Variants in CFAP74 observed in about 807,000 individuals in gnomAD.
The protein encoded by CFAP74 is cilia and flagella associated protein 74.
In CFAP74, 124 loss-of-function variants were observed where a neutral mutation model predicts 188.9. That is an observed-to-expected ratio of 0.66 (90% CI 0.57 to 0.76). The LOEUF (loss-of-function observed/expected upper bound fraction) is 0.76, where lower values mean the gene tolerates loss of function less well. Among genes scored for constraint, CFAP74 ranks in the 30% least tolerant of loss-of-function variants. CFAP74 has a pLI of 0.00. For missense variants in CFAP74, 2,198 were observed against 2,165.2 expected (o/e 1.02, Z -0.30); for synonymous variants, 956 against 916.7 (o/e 1.04, Z -0.77).
At chr1:1,969,600 A>G (rs1273019670) in intron 10 of CFAP74, among the ~76,000 whole-genome samples, 1 of 152,152 alleles carries the variant, frequency 6.6e-6, no homozygotes, top group East Asian at 1.9e-4. Flanking sequence ...ACCAGGGCTA[A>G]AGATGTTCAT....
At chr1:1,960,829 T>C (rs1655035588) in intron 14 of CFAP74, among the ~76,000 whole-genome samples, 1 of 152,114 alleles carries the variant, frequency 6.6e-6, no homozygotes, top group South Asian at 2.1e-4. Flanking sequence ...AGGGTGGACG[T>C]GCGTGCCTCA....
chr1:1,972,672 C>A (rs1219259404), intron 8 of CFAP74, among the ~76,000 whole-genome samples: 3 of 152,112 alleles, frequency 2.0e-5, no homozygotes, highest in Non-Finnish European at 4.4e-5. Context: ...ATGGTGAAAC[C>A]CCATCTCTAC....
intron 25 of CFAP74, 31 bp downstream of exon 25, chr1:1,938,824 C>A (rs1653141998): frequency 1.3e-6 from 2 of 1,533,680 alleles, no homozygotes; most frequent in Admixed American, 2.0e-5. Flanking sequence ...CACTCCAGGC[C>A]CCCTGCGTCC....
intron 6 of CFAP74, among the ~76,000 whole-genome samples, chr1:1,983,173 T>A (rs2102098098): frequency 6.6e-6 from 1 of 151,958 alleles, no homozygotes; most frequent in Admixed American, 6.5e-5. Context: ...GAAAGCCAAC[T>A]AATAGGAAGG....
At chr1:1,963,593 A>G (rs1190420207) in intron 14 of CFAP74, among the ~76,000 whole-genome samples, 156 bp downstream of exon 14, 1 of 152,172 alleles carries the variant, frequency 6.6e-6, no homozygotes, top group African/African-American at 2.4e-5. Flanking sequence ...TGACACAAGA[A>G]GACAGAGGAG....
chr1:1,938,409 C>A (rs1653093399), intron 25 of CFAP74, among the ~76,000 whole-genome samples: 1 of 151,938 alleles, frequency 6.6e-6, no homozygotes, highest in South Asian at 2.1e-4. Context: ...CACCCCCATA[C>A]ACTCACATAC....
chr1:1,936,340 T>C (rs1265181824), intron 25 of CFAP74, among the ~76,000 whole-genome samples: 1 of 146,024 alleles, frequency 6.8e-6, no homozygotes, highest in African/African-American at 2.6e-5. Flanking sequence ...GGTCAAGAGA[T>C]CGAGACCATC....
At chr1:1,941,688 G>A (rs886122427) in intron 22 of CFAP74, among the ~76,000 whole-genome samples, 3 of 152,290 alleles carry the variant, frequency 2.0e-5, no homozygotes, top group South Asian at 4.1e-4. Flanking sequence ...ACCTTATCCC[G>A]GCAGGTAGCA....
At chr1:1,974,507 C>A (rs1656313490) in intron 6 of CFAP74, among the ~76,000 whole-genome samples, 1 of 152,212 alleles carries the variant, frequency 6.6e-6, no homozygotes, top group Non-Finnish European at 1.5e-5. Context: ...CAGGCCCTGC[C>A]CAGCCTGAGG....
In CFAP74 at chr1:1,922,391, G is replaced by A; in HGVS notation, c.4819-3C>T. Reference sequence around the variant, plus strand: ...GACACCATGAGTGGGTGGTCTGGCTGGAACAGGAGGGGAGGGGAGAAGAGG... The same window carrying A: ...GACACCATGAGTGGGTGGTCTGGCTAGAACAGGAGGGGAGGGGAGAAGAGG... On this transcript the variant is annotated splice_region_variant and splice_polypyrimidine_tract_variant and intron_variant, in intron 38 of 38. Transcript: ENST00000682832. 6 of 1,602,636 alleles carry A rather than the reference G, an allele frequency of 3.7e-6. No individual in the cohort carries two copies. The highest frequency in any genetic ancestry group is 2.7e-5 in the African/African-American group (2 of 74,276).
At chr1:1,982,290 C>T (rs1286883758) in intron 6 of CFAP74, among the ~76,000 whole-genome samples, 66 of 130,248 alleles carry the variant, frequency 5.1e-4, no homozygotes, top group Admixed American at 1.4e-3. Context: ...TGGTCACACG[C>T]GGGGACACGC....
chr1:1,955,963 G>C, intron 17 of CFAP74, 113 bp from the exon 18 acceptor site: 1 of 1,453,076 alleles, frequency 6.9e-7, no homozygotes, highest in Non-Finnish European at 9.0e-7. Flanking sequence ...CCTGGCTCCA[G>C]CGTGGCCCCT....
At chr1:1,971,429 G>T (rs985954229) in intron 9 of CFAP74, among the ~76,000 whole-genome samples, 1 of 151,634 alleles carries the variant, frequency 6.6e-6, no homozygotes, top group Non-Finnish European at 1.5e-5. Flanking sequence ...ACACACACAT[G>T]CAAACGTGCA....
Position 1,985,454 on chromosome 1 carries a change from G to A in CFAP74, c.432C>T (p.Arg144=). 1 of 1,614,028 alleles carries A rather than the reference G, an allele frequency of 6.2e-7. No homozygotes were observed. Among genetic ancestry groups the A allele is most frequent in the South Asian group, 1.1e-5 (1 of 91,082 alleles). Residue 144 remains arginine (R), a synonymous_variant, in exon 6 of 39, where the codon CGC becomes CGT. Transcript: ENST00000682832. The part of the protein sequence containing the change: ...AVGRLQAVSR[R]LFAELENERD... ...TCTCGTTCTCCAGCTCTGCAAACAGGCGTCTGGACACGGCCTGGAGGCGGC... is the reference window on the plus strand; with the variant it reads ...TCTCGTTCTCCAGCTCTGCAAACAGACGTCTGGACACGGCCTGGAGGCGGC...
chr1:1,944,399 C>T lies in CFAP74; in HGVS notation c.2418G>A (p.Lys806=), dbSNP rs1385159558. ...VAIDVPVWVP[K]PSVDLKICMY... Reference sequence around the variant, plus strand: ...TGCAGATCTTCAGGTCCACGCTGGGCTTCGGCACCCAGACCGGCACATCGA... The same window carrying T: ...TGCAGATCTTCAGGTCCACGCTGGGTTTCGGCACCCAGACCGGCACATCGA... The change falls in exon 21 of 39, where the codon AAG becomes AAA. Residue 806 remains lysine (K), a synonymous_variant. Coordinates refer to ENST00000682832, the MANE Select transcript of CFAP74 (RefSeq NM_001304360.2). 1 of 1,536,030 alleles carries T rather than the reference C, an allele frequency of 6.5e-7. No individual in the cohort carries two copies. Among genetic ancestry groups the T allele is most frequent in the Non-Finnish European group, 8.7e-7 (1 of 1,146,920 alleles).
intron 6 of CFAP74, chr1:1,984,839 AGCTTAGGTCATCCCGG>A (rs1221673931): frequency 2.0e-5 from 3 of 153,600 alleles, no homozygotes; most frequent in African/African-American, 7.2e-5. Flanking sequence ...CAGGCTGGAA[AGCTTAGGTCATCCCGG>A]GCACGTGCAG....
intron 22 of CFAP74, among the ~76,000 whole-genome samples, chr1:1,940,800 G>T (rs1486567070): frequency 6.6e-6 from 1 of 152,240 alleles, no homozygotes; most frequent in African/African-American, 2.4e-5. Flanking sequence ...GATTACATAA[G>T]TTAACGTTGT....
rs1462609903 is a variant in CFAP74, at chr1:1,923,171, G to A, written c.4523-26C>T. The A allele has an allele frequency of 5.0e-6, 8 of 1,589,822 alleles. No homozygotes were observed. The highest frequency in any genetic ancestry group is 1.7e-4 in the Middle Eastern group (1 of 5,938). On this transcript the variant is annotated intron_variant, in intron 36 of 38. Coordinates refer to ENST00000682832, the MANE Select transcript of CFAP74 (RefSeq NM_001304360.2). The surrounding 1 kb of genome is among the most constrained non-coding windows in gnomAD (Gnocchi z 6.3). ...CTGGAGGGGTGTGGCCAGGGGAGCTGTTCAGGGTCAGGCTGAGGCATGGGG... is the reference window on the plus strand; with the variant it reads ...CTGGAGGGGTGTGGCCAGGGGAGCTATTCAGGGTCAGGCTGAGGCATGGGG...
rs973136327 is a variant in CFAP74, at chr1:1,968,032, GTGAA to G, written c.1245+599_1245+602del. ...AATGAGTGAATGAATGAGTGAATGA[GTGAA>G]TGAATAAGTGTATCAGTGAGTGAGT... On this transcript the variant is annotated intron_variant, in intron 11 of 38. Transcript: ENST00000682832. This position sits in a 1 kb window ranked among gnomAD's most constrained non-coding sequence, Gnocchi z 4.3. 2.8e-4 allele frequency among the ~76,000 whole-genome samples: 43 copies of G among 152,006 alleles called. No homozygotes were observed. Among genetic ancestry groups the G allele is most frequent in the South Asian group, 6.2e-4 (3 of 4,810 alleles).
Sources: gnomAD v4.1 joint callset for allele counts (sites outside exome capture counted in the v4.1 genomes callset) on GRCh38, gnomAD v4.1.1 for gene constraint, Gnocchi (gnomAD v3.1) non-coding constraint, MANE v1.5 for transcripts, NCBI Gene and HGNC (gene_info 2026-07-23, HGNC 2026-07-21) for gene names.